Variants in RFX2 observed in about 807,000 individuals in gnomAD.
The protein encoded by RFX2 is regulatory factor X2.
Under a neutral mutation model 87.8 loss-of-function variants are expected in RFX2, and 20 were observed. The observed-to-expected ratio is 0.23, with a 90% confidence interval of 0.16 to 0.33. The LOEUF is 0.33. RFX2 is among the 10% of genes least tolerant of loss of function. The pLI, the probability that RFX2 is intolerant of heterozygous loss-of-function variation, is 1.00. For missense variants in RFX2, 767 were observed against 1,012.3 expected, an observed-to-expected ratio of 0.76 and a Z score of 3.29; for synonymous variants, 397 against 431.3, an observed-to-expected ratio of 0.92 and a Z score of 0.98.
rs562900501 is a variant in RFX2 at position 5,997,371 on chromosome 19, C to G, written c.1860-158G>C. The G allele has an allele frequency of 7.1e-6, 6 of 840,778 alleles. No individual in the cohort carries two copies. The African/African-American group carries it at 8.6e-5, about 12-fold the overall frequency. 52.1% of individuals were successfully genotyped at this position (840,778 alleles called of 1,614,324 possible). A position where few individuals can be genotyped will look rare whatever the true frequency, so the allele number is the denominator to read the frequency against. On this transcript the variant is annotated intron_variant, in intron 15 of 17. Transcript: ENST00000303657. This position sits in a 1 kb window ranked among gnomAD's most constrained non-coding sequence, Gnocchi z 4.2. ...ACGTGCAGGCCTACGCGGGGGCTGA[C>G]GGGCTGCCGAGACCCTGGGCCCACG...
intron 5 of RFX2, among the ~76,000 whole-genome samples, chr19:6,029,630 C>T (rs999043927): frequency 3.9e-5 from 6 of 152,090 alleles, no homozygotes; most frequent in Admixed American, 2.6e-4. Flanking sequence ...AACTGTTGAG[C>T]CTGGGAGGCG....
chr19:6,003,694 G>T (rs1465464087), intron 13 of RFX2, among the ~76,000 whole-genome samples: 3 of 146,796 alleles, frequency 2.0e-5, no homozygotes, highest in Non-Finnish European at 3.0e-5. Context: ...CAGGAGAATC[G>T]CTTGAACCCG....
chr19:6,108,769 A>T (rs1317095937), intron 1 of RFX2, among the ~76,000 whole-genome samples: 1 of 152,152 alleles, frequency 6.6e-6, no homozygotes, highest in Admixed American at 6.5e-5. Flanking sequence ...TCCCCTCCCC[A>T]TTCTTGCCGC....
chr19:6,090,467 G>A (rs2087917706), intron 1 of RFX2, among the ~76,000 whole-genome samples: 1 of 151,596 alleles, frequency 6.6e-6, no homozygotes, highest in Non-Finnish European at 1.5e-5. Flanking sequence ...AGTCATTACA[G>A]AAACACAAAT....
intron 1 of RFX2, among the ~76,000 whole-genome samples, chr19:6,080,548 G>A (rs954173771): frequency 3.3e-5 from 5 of 152,148 alleles, no homozygotes; most frequent in Non-Finnish European, 5.9e-5. Flanking sequence ...CAGGGGTGGT[G>A]GTGGAGAGGG....
intron 1 of RFX2, among the ~76,000 whole-genome samples, chr19:6,095,545 G>C (rs1266633165): frequency 6.6e-6 from 1 of 152,128 alleles, no homozygotes; most frequent in Non-Finnish European, 1.5e-5. Context: ...AGGGGAGTCT[G>C]GGCAGCATCC....
chr19:6,031,814 C>T (rs548384875), intron 5 of RFX2, among the ~76,000 whole-genome samples: 128 of 151,326 alleles, frequency 8.5e-4, no homozygotes, highest in African/African-American at 2.8e-3. Context: ...CAGTTTGATG[C>T]CTCTGCATTC....
rs542742259 is a variant in RFX2 at position 6,085,470 on chromosome 19, T to G, written c.-9+24923A>C. Among the ~76,000 whole-genome samples the G allele has an allele frequency of 7.4e-4, 112 of 152,334 alleles. 1 individual carries two copies. The South Asian group carries it at 0.023, about 31-fold the overall frequency. The stretch of plus-strand genomic sequence containing the variant: ...TCAAGTCCTCTGCCCATTAAAAAAT[T>G]TTTTTGCTGAGTTACAGAAATTCTT... On this transcript the variant is annotated intron_variant, in intron 1 of 17. Coordinates refer to ENST00000303657, the MANE Select transcript of RFX2 (RefSeq NM_000635.4).
chr19:6,086,409 G>A (rs750777053), intron 1 of RFX2, among the ~76,000 whole-genome samples: 8 of 152,208 alleles, frequency 5.3e-5, no homozygotes, highest in Non-Finnish European at 1.0e-4. Context: ...AACCTGTCTA[G>A]CATGTGACTG....
chr19:6,022,708 G>A lies in RFX2; in HGVS notation c.597+3455C>T, dbSNP rs2086833108. Among the ~76,000 whole-genome samples, 1 of 152,208 alleles carries A rather than the reference G, an allele frequency of 6.6e-6. No individual in the cohort carries two copies. The highest frequency in any genetic ancestry group is 2.4e-5 in the African/African-American group (1 of 41,476). On this transcript the variant is annotated intron_variant, in intron 6 of 17. Coordinates refer to ENST00000303657, the MANE Select transcript of RFX2 (RefSeq NM_000635.4). The surrounding 1 kb of genome is among the most constrained non-coding windows in gnomAD (Gnocchi z 6.2). ...CATGCCCTTTTCCAGTTTGGACACT[G>A]CTAGGGGGCCTCCTCCTCCCTGGGA...
intron 1 of RFX2, among the ~76,000 whole-genome samples, chr19:6,066,636 A>G (rs1041170634): frequency 6.6e-6 from 1 of 152,216 alleles, no homozygotes; most frequent in Non-Finnish European, 1.5e-5. Context: ...AGTCAACATT[A>G]CAATATTGGT....
chr19:5,996,601 G>C (rs1434418552), intron 16 of RFX2, among the ~76,000 whole-genome samples: 1 of 152,268 alleles, frequency 6.6e-6, no homozygotes. Flanking sequence ...TGGGGTGACG[G>C]AATGTTCTGG....
At chr19:6,028,212 A>C (rs2086914387) in intron 5 of RFX2, among the ~76,000 whole-genome samples, 1 of 151,498 alleles carries the variant, frequency 6.6e-6, no homozygotes, top group Non-Finnish European at 1.5e-5. Flanking sequence ...ATTAAAAAAA[A>C]AAACAACAAA....
rs2086545613 is a variant in RFX2 at position 6,004,304 on chromosome 19, G to A, written c.1403-6C>T. 1 of 1,610,580 alleles carries A rather than the reference G, an allele frequency of 6.2e-7. No individual in the cohort carries two copies. The highest frequency in any genetic ancestry group is 1.1e-5 in the South Asian group (1 of 90,996). On this transcript the variant is annotated splice_region_variant and splice_polypyrimidine_tract_variant and intron_variant, in intron 12 of 17. Transcript: ENST00000303657. The surrounding 1 kb of genome is among the most constrained non-coding windows in gnomAD (Gnocchi z 4.8). ...GATGGCCTGTGTCAAGGTACCTGGG[G>A]GATACAGACCATGATATTACCAGGG... is the stretch of plus-strand genomic sequence containing the variant.
rs754892081 is a variant in RFX2, at chr19:6,021,867, G to T, written c.597+4296C>A. Among the ~76,000 whole-genome samples the T allele has an allele frequency of 6.6e-6, 1 of 152,224 alleles. No homozygotes were observed. Among genetic ancestry groups the T allele is most frequent in the Non-Finnish European group, 1.5e-5 (1 of 68,028 alleles). On this transcript the variant is annotated intron_variant, in intron 6 of 17. Transcript: ENST00000303657. This position sits in a 1 kb window ranked among gnomAD's most constrained non-coding sequence, Gnocchi z 5.7. ...GTGGCTGCTGTGAGAAGGGGCTGGA[G>T]GCTGGGTAGGGGTGGGTGCTGACGG...
intron 5 of RFX2, among the ~76,000 whole-genome samples, chr19:6,028,994 G>A (rs935995232): frequency 2.6e-5 from 4 of 151,610 alleles, no homozygotes; most frequent in Admixed American, 6.6e-5. Flanking sequence ...CAGAAGGATC[G>A]CTTGAATCCG....
intron 1 of RFX2, among the ~76,000 whole-genome samples, chr19:6,076,692 A>G (rs999005784): frequency 2.0e-5 from 3 of 152,242 alleles, no homozygotes; most frequent in Non-Finnish European, 4.4e-5. Context: ...AATTCACACC[A>G]TTATAACGTA....
intron 1 of RFX2, among the ~76,000 whole-genome samples, chr19:6,096,539 CG>C (rs1303319615): frequency 2.0e-5 from 3 of 152,144 alleles, no homozygotes; most frequent in Non-Finnish European, 4.4e-5. Context: ...CTCCGCCCCC[CG>C]GGTTCATGCC....
chr19:6,092,236 G>A (rs2087946117), intron 1 of RFX2, among the ~76,000 whole-genome samples: 1 of 152,206 alleles, frequency 6.6e-6, no homozygotes, highest in Non-Finnish European at 1.5e-5. Context: ...ATAACAGCAA[G>A]GAAGACATTC....
Sources: gnomAD v4.1 joint callset for allele counts (sites outside exome capture counted in the v4.1 genomes callset) on GRCh38, gnomAD v4.1.1 for gene constraint, Gnocchi (gnomAD v3.1) non-coding constraint, MANE v1.5 for transcripts, NCBI Gene and HGNC (gene_info 2026-07-23, HGNC 2026-07-21) for gene names.